Variants in CORIN observed in about 807,000 individuals in gnomAD.
CORIN encodes corin, serine peptidase.
Under a neutral mutation model 125.3 loss-of-function variants are expected in CORIN, and 117 were observed. The ratio of observed to expected loss-of-function variants is 0.93; its 90% CI spans 0.80 to 1.09. CORIN has a LOEUF of 1.09. Among genes scored for constraint, CORIN ranks in the 50% least tolerant of loss-of-function variants. The pLI, the probability that CORIN is intolerant of heterozygous loss-of-function variation, is 0.00. For synonymous variants in CORIN, 450 were observed against 466.4 expected (o/e 0.96, Z 0.45); for missense variants, 1,253 against 1,306.7 (o/e 0.96, Z 0.63).
chr4:47,747,164 A>G (rs994066607), intron 4 of CORIN, among the ~76,000 whole-genome samples: 1 of 152,126 alleles, frequency 6.6e-6, no homozygotes, highest in South Asian at 2.1e-4. Flanking sequence ...TGCTTGAAAC[A>G]TATTATTCCC....
At position 47,763,375 on chromosome 4, in the gene CORIN, A is replaced by C; in HGVS notation, c.617+4T>G. 1 of 1,611,426 alleles carries C rather than the reference A, an allele frequency of 6.2e-7. No individual in the cohort carries two copies. Among genetic ancestry groups the C allele is most frequent in the Non-Finnish European group, 8.5e-7 (1 of 1,178,282 alleles). On this transcript the variant is annotated splice_donor_region_variant and intron_variant, in intron 4 of 21. Coordinates refer to ENST00000273857, the MANE Select transcript of CORIN (RefSeq NM_006587.4). Reference sequence around the variant, plus strand: ...ATCACTGAATAATCTGGGTTCCGAAATACCTGTCATCGCCATCAATGATGC... The same window carrying C: ...ATCACTGAATAATCTGGGTTCCGAACTACCTGTCATCGCCATCAATGATGC...
intron 5 of CORIN, chr4:47,706,866 C>T (rs1190672020): frequency 2.0e-5 from 32 of 1,598,718 alleles, no homozygotes; most frequent in Non-Finnish European, 2.6e-5. Context: ...CGTGGGCTGA[C>T]ATCTGCAGGC....
At chr4:47,798,858 T>A (rs1034949709) in intron 2 of CORIN, among the ~76,000 whole-genome samples, 8 of 149,832 alleles carry the variant, frequency 5.3e-5, no homozygotes, top group African/African-American at 2.0e-4. Flanking sequence ...AGTCCCCAGT[T>A]GTCTATTGTT....
rs187971284 is a variant in CORIN, at chr4:47,672,575, C to T, written c.1357+1818G>A. ...AAAATTTCCACGGCAGATTGAGAGA[C>T]GAGTAAAATGAAACAATGGAAACAG... On this transcript the variant is annotated intron_variant, in intron 10 of 21. Coordinates refer to ENST00000273857, the MANE Select transcript of CORIN (RefSeq NM_006587.4). 8.4e-3 allele frequency among the ~76,000 whole-genome samples: 1,270 copies of T among 151,620 alleles called. 15 individuals are homozygous for T. The highest frequency in any genetic ancestry group is 0.029 in the African/African-American group (1,190 of 41,302).
chr4:47,706,303 T>A, intron 5 of CORIN: 1 of 1,145,664 alleles, frequency 8.7e-7, no homozygotes, highest in Non-Finnish European at 1.3e-6. Context: ...ACTGCTCTAC[T>A]CTATGGACTT....
At chr4:47,617,626 G>C (rs998549107) in intron 19 of CORIN, among the ~76,000 whole-genome samples, 5 of 152,246 alleles carry the variant, frequency 3.3e-5, no homozygotes, top group African/African-American at 1.2e-4. Context: ...CCCATGGGAG[G>C]TATGGAGCTA....
chr4:47,831,985 A>C, intron 1 of CORIN, among the ~76,000 whole-genome samples: 1 of 152,222 alleles, frequency 6.6e-6, no homozygotes, highest in East Asian at 1.9e-4. Context: ...GAGGTGGAGT[A>C]TTAGTTTTTA....
At chr4:47,723,764 C>T (rs995712212) in intron 5 of CORIN, among the ~76,000 whole-genome samples, 4 of 151,636 alleles carry the variant, frequency 2.6e-5, no homozygotes, top group East Asian at 3.9e-4. Context: ...TTTGGGAGGC[C>T]GAGGTCAGGA....
Position 47,665,013 on chromosome 4 carries a change from G to A in CORIN, c.1589+19C>T. On this transcript the variant is annotated intron_variant, in intron 11 of 21. Coordinates refer to ENST00000273857, the MANE Select transcript of CORIN (RefSeq NM_006587.4). ...CTCTGAGGCAAAATAAGGGACTGGG[G>A]TAGATCCCATCATATTACCTGCAAG... 6.5e-7 allele frequency: 1 copy of A among 1,539,242 alleles called. No individual in the cohort carries two copies. The highest frequency in any genetic ancestry group is 9.0e-7 in the Non-Finnish European group (1 of 1,112,604).
In CORIN at chr4:47,706,355, C is replaced by T. The variant is rs1319923532; in HGVS notation, c.800-13272G>A. 1.6e-5 allele frequency: 26 copies of T among 1,577,200 alleles called. No homozygotes were observed. In the Admixed American group the frequency reaches 3.0e-4, roughly 18 times the overall value. ...CTTTTGCCTTTCCGTCTGGCGGCAG[C>T]CATCAGGTAAGCCAAGATGGGTGCA... On this transcript the variant is annotated intron_variant, in intron 5 of 21. Transcript: ENST00000273857.
At chr4:47,708,671 T>G (rs1214991606) in intron 5 of CORIN, among the ~76,000 whole-genome samples, 1 of 152,180 alleles carries the variant, frequency 6.6e-6, no homozygotes, top group Non-Finnish European at 1.5e-5. Flanking sequence ...CTCAAGCAAG[T>G]GTGCCTTCTC....
At chr4:47,657,004 A>G (rs2109652921) in intron 12 of CORIN, among the ~76,000 whole-genome samples, 2 of 152,352 alleles carry the variant, frequency 1.3e-5, no homozygotes, top group South Asian at 4.1e-4. Context: ...AATGTGAAAG[A>G]GAAACCAAGA....
intron 16 of CORIN, among the ~76,000 whole-genome samples, chr4:47,641,323 A>G (rs1292641699): frequency 6.6e-6 from 1 of 152,158 alleles, no homozygotes; most frequent in Non-Finnish European, 1.5e-5. Context: ...ACATTCTAAG[A>G]CCCTGAAAAT....
At chr4:47,780,345 A>C (rs139627434) in intron 3 of CORIN, among the ~76,000 whole-genome samples, 2 of 152,280 alleles carry the variant, frequency 1.3e-5, no homozygotes, top group East Asian at 3.9e-4. Context: ...AAATGAAGGA[A>C]TTTATGCAAA....
At chr4:47,824,196 G>T (rs573133028) in intron 1 of CORIN, among the ~76,000 whole-genome samples, 1 of 151,040 alleles carries the variant, frequency 6.6e-6, no homozygotes, top group South Asian at 2.1e-4. Flanking sequence ...TTTTAGGAGT[G>T]GCTGACATGA....
chr4:47,743,899 A>C (rs928105543), intron 5 of CORIN, among the ~76,000 whole-genome samples: 3 of 152,306 alleles, frequency 2.0e-5, no homozygotes, highest in Non-Finnish European at 2.9e-5. Context: ...AAAAAAAAAA[A>C]AGACATGCAC....
At chr4:47,794,375 G>GA (rs1160384483) in intron 2 of CORIN, among the ~76,000 whole-genome samples, 1 of 152,130 alleles carries the variant, frequency 6.6e-6, no homozygotes, top group African/African-American at 2.4e-5. Flanking sequence ...TCGAATTCAA[G>GA]AAAAATGAAT....
chr4:47,722,824 C>T (rs1254959482), intron 5 of CORIN, among the ~76,000 whole-genome samples: 3 of 152,156 alleles, frequency 2.0e-5, no homozygotes, highest in Non-Finnish European at 4.4e-5. Flanking sequence ...GGACAGAATA[C>T]ACAAAGCAAT....
intron 3 of CORIN, among the ~76,000 whole-genome samples, chr4:47,775,363 C>T (rs1335451859): frequency 1.3e-5 from 2 of 152,002 alleles, no homozygotes; most frequent in South Asian, 2.1e-4. Flanking sequence ...TGCTATCTCT[C>T]CCCCCTCCTC....
Sources: gnomAD v4.1 joint callset for allele counts (sites outside exome capture counted in the v4.1 genomes callset) on GRCh38, gnomAD v4.1.1 for gene constraint, MANE v1.5 for transcripts, NCBI Gene and HGNC (gene_info 2026-07-23, HGNC 2026-07-21) for gene names.